PRKG1: variants seen among roughly 807,000 people sequenced by gnomAD.
PRKG1 encodes protein kinase cGMP-dependent 1.
PRKG1 carries 35 observed loss-of-function variants against 88.1 expected under a neutral mutation model. The ratio of observed to expected loss-of-function variants is 0.40; its 90% CI spans 0.30 to 0.53. The LOEUF (loss-of-function observed/expected upper bound fraction) is 0.53, where lower values mean the gene tolerates loss of function less well. Ranked by LOEUF, PRKG1 falls within the 20% of genes least tolerant of loss-of-function variation. The pLI is 0.59. For synonymous variants in PRKG1, 303 were observed against 292.5 expected (o/e 1.04, Z -0.37); for missense variants, 540 against 839.8 (o/e 0.64, Z 4.41).
At chr10:52,165,860 C>G (rs759045322) in intron 9 of PRKG1, among the ~76,000 whole-genome samples, 87 of 152,302 alleles carry the variant, frequency 5.7e-4, no homozygotes, top group Non-Finnish European at 1.1e-3. Flanking sequence ...TAAAACCATA[C>G]CAGGCATTCA....
At chr10:51,884,609 GC>G (rs78679512) in intron 4 of PRKG1, among the ~76,000 whole-genome samples, 63,082 of 151,650 alleles carry the variant, frequency 0.42, 13,441 homozygotes, top group East Asian at 0.62. Flanking sequence ...GACTCAGTGT[GC>G]CAATGTTCTA....
chr10:51,509,131 T>C (rs1007569662), intron 3 of PRKG1, among the ~76,000 whole-genome samples: 1 of 152,192 alleles, frequency 6.6e-6, no homozygotes, highest in Non-Finnish European at 1.5e-5. Flanking sequence ...ATGATTTGAA[T>C]AGTTATTTCA....
At chr10:51,328,171 T>G (rs1841640987) in intron 2 of PRKG1, among the ~76,000 whole-genome samples, 2 of 152,180 alleles carry the variant, frequency 1.3e-5, no homozygotes, top group African/African-American at 2.4e-5. Context: ...ACCATTCTAC[T>G]TTTTACTTTT....
intron 5 of PRKG1, among the ~76,000 whole-genome samples, chr10:52,026,602 G>T (rs200877360): frequency 6.6e-6 from 1 of 152,178 alleles, no homozygotes; most frequent in Non-Finnish European, 1.5e-5. Context: ...TCCTTTTAGG[G>T]GTGATGAAAA....
chr10:51,640,641 A>T (rs1489717593), intron 3 of PRKG1, among the ~76,000 whole-genome samples: 5 of 152,154 alleles, frequency 3.3e-5, no homozygotes, highest in African/African-American at 1.2e-4. Context: ...CCATCTGACT[A>T]CATTTTTAGG....
intron 1 of PRKG1, among the ~76,000 whole-genome samples, chr10:51,049,527 C>T (rs1262822276): frequency 2.6e-5 from 4 of 152,150 alleles, no homozygotes; most frequent in Non-Finnish European, 4.4e-5. Flanking sequence ...CACTTTTCTC[C>T]TGTATAGCTT....
At chr10:51,510,250 T>A (rs1841353541) in intron 3 of PRKG1, among the ~76,000 whole-genome samples, 1 of 152,144 alleles carries the variant, frequency 6.6e-6, no homozygotes, top group Non-Finnish European at 1.5e-5. Flanking sequence ...TACAACATAA[T>A]GTTTGTATAT....
rs913918754 is a variant in PRKG1 at position 51,427,817 on chromosome 10, T to G, written c.479-39906T>G. The stretch of plus-strand genomic sequence containing the variant: ...CATTAAATTTTGAGGAGCTGTGCAC[T>G]CTAAAACTCAATTGGATCCTCTTTT... On this transcript the variant is annotated intron_variant, in intron 2 of 17. Coordinates refer to ENST00000373980, the MANE Select transcript of PRKG1 (RefSeq NM_006258.4). Among the ~76,000 whole-genome samples, 4 of 152,332 alleles carry G rather than the reference T, an allele frequency of 2.6e-5. No homozygotes were observed. The South Asian group carries it at 8.3e-4, about 32-fold the overall frequency.
At chr10:51,559,766 G>A (rs1237032507) in intron 3 of PRKG1, among the ~76,000 whole-genome samples, 1 of 151,942 alleles carries the variant, frequency 6.6e-6, no homozygotes, top group Non-Finnish European at 1.5e-5. Flanking sequence ...GATGTTACAA[G>A]CCTTATGTGA....
chr10:51,618,166 A>G (rs1195649327), intron 3 of PRKG1, among the ~76,000 whole-genome samples: 2 of 152,182 alleles, frequency 1.3e-5, no homozygotes, highest in East Asian at 1.9e-4. Context: ...TCTTGGCTTC[A>G]GAGATTAAGG....
chr10:51,357,541 AT>A (rs1356262926), intron 2 of PRKG1, among the ~76,000 whole-genome samples: 1 of 151,948 alleles, frequency 6.6e-6, no homozygotes, highest in African/African-American at 2.4e-5. Context: ...GGCAACTCTT[AT>A]TGATTTTCAT....
intron 1 of PRKG1, among the ~76,000 whole-genome samples, chr10:51,007,427 G>T (rs1227019963): frequency 2.0e-5 from 3 of 152,128 alleles, no homozygotes; most frequent in African/African-American, 4.8e-5. Context: ...TGCAAACTAA[G>T]CTATTAATGA....
intron 9 of PRKG1, among the ~76,000 whole-genome samples, chr10:52,203,849 GT>G (rs1839740137): frequency 6.6e-6 from 1 of 151,904 alleles, no homozygotes; most frequent in Non-Finnish European, 1.5e-5. Context: ...CTTTTGTTTT[GT>G]TTTGTTTTTC....
At chr10:51,869,472 G>A (rs1214280208) in intron 4 of PRKG1, among the ~76,000 whole-genome samples, 1 of 151,824 alleles carries the variant, frequency 6.6e-6, no homozygotes, top group Non-Finnish European at 1.5e-5. Context: ...CTTCCATAAG[G>A]GAAAATGGAA....
At chr10:51,296,454 A>G (rs1840722540) in intron 2 of PRKG1, among the ~76,000 whole-genome samples, 1 of 152,074 alleles carries the variant, frequency 6.6e-6, no homozygotes, top group South Asian at 2.1e-4. Flanking sequence ...TAGGTTATCC[A>G]GTTTGTCAGC....
chr10:51,784,119 G>T (rs1838668477), intron 3 of PRKG1, among the ~76,000 whole-genome samples: 1 of 151,948 alleles, frequency 6.6e-6, no homozygotes, highest in Non-Finnish European at 1.5e-5. Context: ...CCCTGCTCTG[G>T]CTGAGTTTGC....
chr10:51,874,258 C>T (rs1222770360), intron 4 of PRKG1, among the ~76,000 whole-genome samples: 1 of 152,176 alleles, frequency 6.6e-6, no homozygotes, highest in Admixed American at 6.5e-5. Context: ...TATGAAATAA[C>T]ATAAAACTGT....
At chr10:52,272,579 A>G in intron 12 of PRKG1, 98 bp downstream of exon 12, 1 of 839,692 alleles carries the variant, frequency 1.2e-6, no homozygotes, top group Non-Finnish European at 1.9e-6. Flanking sequence ...AATCATATTT[A>G]TAATTTACAC....
chr10:51,008,879 A>G (rs1361355734), intron 1 of PRKG1, among the ~76,000 whole-genome samples: 1 of 152,186 alleles, frequency 6.6e-6, no homozygotes, highest in Non-Finnish European at 1.5e-5. Context: ...TTCACCTGCC[A>G]TTTCCATCTG....
Sources: allele counts gnomAD v4.1 joint callset (sites outside exome capture counted in the v4.1 genomes callset), GRCh38; gene constraint gnomAD v4.1.1; transcripts MANE v1.5; gene names NCBI Gene and HGNC (gene_info 2026-07-23, HGNC 2026-07-21).